Variants in PDE8A observed in about 807,000 individuals in gnomAD.
The protein encoded by PDE8A is phosphodiesterase 8A.
A neutral mutation model predicts 105.0 loss-of-function variants in PDE8A; 59 were observed. The observed-to-expected ratio is 0.56, with a 90% CI of 0.46 to 0.70. The LOEUF is 0.70. Among genes scored for constraint, PDE8A ranks in the 30% least tolerant of loss-of-function variants. PDE8A has a pLI of 0.00. For synonymous variants in PDE8A, 355 were observed against 371.9 expected, an observed-to-expected ratio of 0.95 and a Z score of 0.52; for missense variants, 1,014 against 1,045.9, an observed-to-expected ratio of 0.97 and a Z score of 0.42.
chr15:85,115,919 C>CAA (rs35865189), intron 15 of PDE8A, 65 bp from the exon 16 acceptor site: 219,869 of 1,149,662 alleles, frequency 0.19, 6,068 homozygotes, highest in Middle Eastern at 0.24. Context: ...GATTCCGTCT[C>CAA]AAAAAAAAAA....
At chr15:85,021,359 T>C (rs1396861248) in intron 1 of PDE8A, among the ~76,000 whole-genome samples, 1 of 151,806 alleles carries the variant, frequency 6.6e-6, no homozygotes, top group Non-Finnish European at 1.5e-5. Context: ...CTAGGTGACA[T>C]AATGTGACCC....
chr15:85,126,159 G>T, intron 19 of PDE8A, 48 bp from the exon 20 acceptor site: 1 of 1,433,728 alleles, frequency 7.0e-7, no homozygotes, highest in Non-Finnish European at 9.6e-7. Context: ...AGAGGGCTTG[G>T]CACCAAGGGA....
intron 1 of PDE8A, among the ~76,000 whole-genome samples, chr15:84,989,746 T>C (rs1184098789): frequency 6.6e-6 from 1 of 152,256 alleles, no homozygotes; most frequent in Non-Finnish European, 1.5e-5. Flanking sequence ...ATTGACCATT[T>C]TCTTATGAGA....
intron 5 of PDE8A, among the ~76,000 whole-genome samples, chr15:85,082,180 T>C (rs137912502): frequency 2.6e-5 from 4 of 152,268 alleles, no homozygotes; most frequent in Non-Finnish European, 4.4e-5. Flanking sequence ...AGGTCTAGCA[T>C]ACTCCTCCCT....
chr15:85,071,109 C>G (rs1339778577), intron 3 of PDE8A, among the ~76,000 whole-genome samples: 3 of 152,232 alleles, frequency 2.0e-5, no homozygotes, highest in African/African-American at 7.2e-5. Context: ...GGATAGGAAT[C>G]TCTACTGTAT....
intron 3 of PDE8A, among the ~76,000 whole-genome samples, chr15:85,073,879 C>G (rs1324309027): frequency 6.6e-6 from 1 of 152,200 alleles, no homozygotes; most frequent in Non-Finnish European, 1.5e-5. Flanking sequence ...GAAGCTGAGC[C>G]TGCCTGCTCT....
chr15:85,052,237 G>A (rs985546662), intron 1 of PDE8A, among the ~76,000 whole-genome samples: 7 of 152,198 alleles, frequency 4.6e-5, no homozygotes, highest in Non-Finnish European at 8.8e-5. Flanking sequence ...GGGCATTTGC[G>A]TTGGTTCCAA....
chr15:85,020,570 C>T (rs759415657), intron 1 of PDE8A, among the ~76,000 whole-genome samples: 12 of 152,222 alleles, frequency 7.9e-5, no homozygotes, highest in Non-Finnish European at 1.6e-4. Context: ...TACCACTGCA[C>T]TCTAGCCTGA....
At chr15:85,089,248 G>T in intron 6 of PDE8A, 90 bp from the exon 7 acceptor site, 1 of 734,452 alleles carries the variant, frequency 1.4e-6, no homozygotes. Flanking sequence ...TTATAAATCG[G>T]ACAAAAAATA....
At chr15:85,031,234 A>AGT (rs1473623436) in intron 1 of PDE8A, among the ~76,000 whole-genome samples, 5 of 152,228 alleles carry the variant, frequency 3.3e-5, no homozygotes, top group Non-Finnish European at 7.3e-5. Context: ...GGAGTGGATA[A>AGT]GTGACTAGCC....
intron 1 of PDE8A, among the ~76,000 whole-genome samples, chr15:85,001,196 C>T (rs779744061): frequency 1.6e-4 from 25 of 152,080 alleles, no homozygotes; most frequent in Non-Finnish European, 2.9e-4. Flanking sequence ...GGACTTTTGA[C>T]GGTGCAGTTT....
At chr15:85,062,958 G>A (rs2081169026) in intron 1 of PDE8A, 1 of 152,212 alleles carries the variant, frequency 6.6e-6, no homozygotes, top group Non-Finnish European at 1.5e-5. Context: ...TTGGCATCCA[G>A]TTACACCAGT....
At chr15:84,999,718 G>A (rs986232012) in intron 1 of PDE8A, among the ~76,000 whole-genome samples, 3 of 152,254 alleles carry the variant, frequency 2.0e-5, no homozygotes, top group Admixed American at 1.3e-4. Context: ...AGGACTACTG[G>A]CGGGCACCAG....
chr15:85,091,301 T>G, intron 8 of PDE8A, 120 bp downstream of exon 8: 1 of 827,516 alleles, frequency 1.2e-6, no homozygotes, highest in Non-Finnish European at 1.8e-6. Context: ...CAGGGAAGTA[T>G]AGGGAATGTT....
intron 17 of PDE8A, 155 bp from the exon 18 acceptor site, chr15:85,120,642 G>A (rs946254890): frequency 3.4e-6 from 2 of 582,276 alleles, no homozygotes; most frequent in African/African-American, 1.9e-5. Flanking sequence ...GTTTCAGGGT[G>A]GAGATAGGAA....
At chr15:85,010,953 A>G (rs569296091) in intron 1 of PDE8A, among the ~76,000 whole-genome samples, 6 of 152,262 alleles carry the variant, frequency 3.9e-5, no homozygotes, top group Non-Finnish European at 8.8e-5. Context: ...TCTCATGACA[A>G]TCCTAAGGTC....
intron 1 of PDE8A, among the ~76,000 whole-genome samples, chr15:85,060,581 T>C (rs943639724): frequency 1.3e-5 from 2 of 152,218 alleles, no homozygotes; most frequent in African/African-American, 4.8e-5. Flanking sequence ...TGAGCATCCA[T>C]AGATTTTCAT....
intron 1 of PDE8A, among the ~76,000 whole-genome samples, chr15:85,056,579 C>G (rs1051173043): frequency 6.6e-6 from 1 of 152,006 alleles, no homozygotes; most frequent in Non-Finnish European, 1.5e-5. Flanking sequence ...TCACTGATAC[C>G]CCTTCTTCCA....
chr15:85,039,383 C>T (rs1005616689), intron 1 of PDE8A, among the ~76,000 whole-genome samples: 2 of 151,152 alleles, frequency 1.3e-5, no homozygotes, highest in Non-Finnish European at 2.9e-5. Context: ...GAGCTGTGAT[C>T]GCACCACTGT....
Sources: gnomAD v4.1 joint callset for allele counts (sites outside exome capture counted in the v4.1 genomes callset) on GRCh38, gnomAD v4.1.1 for gene constraint, MANE v1.5 for transcripts, NCBI Gene and HGNC (gene_info 2026-07-23, HGNC 2026-07-21) for gene names.